The following RASGEF1C variants were observed in gnomAD, a reference collection of about 807,000 sequenced individuals.
RASGEF1C encodes the protein RasGEF domain family member 1C.
RASGEF1C carries 27 observed loss-of-function variants against 58.1 expected under a neutral mutation model. The observed-to-expected ratio is 0.46, with a 90% CI of 0.34 to 0.64. The LOEUF (loss-of-function observed/expected upper bound fraction) is 0.64. Among genes scored for constraint, RASGEF1C ranks in the 30% least tolerant of loss-of-function variants. The pLI is 0.01. For missense variants in RASGEF1C, 502 were observed against 605.1 expected, an observed-to-expected ratio of 0.83 and a Z score of 1.79; for synonymous variants, 243 against 246.3, an observed-to-expected ratio of 0.99 and a Z score of 0.13.
chr5:180,196,031 T>C (rs1277204631), intron 1 of RASGEF1C, among the ~76,000 whole-genome samples: 1 of 152,236 alleles, frequency 6.6e-6, no homozygotes, highest in African/African-American at 2.4e-5. Context: ...GTCAAGATAA[T>C]GGACCTATCA....
At chr5:180,192,376 G>A (rs897284278) in intron 1 of RASGEF1C, among the ~76,000 whole-genome samples, 25 of 151,994 alleles carry the variant, frequency 1.6e-4, no homozygotes, top group Non-Finnish European at 3.1e-4. Flanking sequence ...TGAGCTCAGC[G>A]TCCTCACTGG....
chr5:180,179,612 T>G (rs1484628758), intron 1 of RASGEF1C, among the ~76,000 whole-genome samples: 3 of 152,082 alleles, frequency 2.0e-5, no homozygotes, highest in African/African-American at 4.8e-5. Context: ...GTGAGGAGGC[T>G]CCCACGCTGC....
At chr5:180,199,362 C>T (rs1279507245) in intron 1 of RASGEF1C, among the ~76,000 whole-genome samples, 1 of 152,172 alleles carries the variant, frequency 6.6e-6, no homozygotes, top group Non-Finnish European at 1.5e-5. Context: ...TCCAAGCCTT[C>T]ATCACTGACC....
At chr5:180,127,489 C>A in intron 6 of RASGEF1C, 120 bp downstream of exon 6, 1 of 908,926 alleles carries the variant, frequency 1.1e-6, no homozygotes, top group Non-Finnish European at 1.6e-6. Context: ...GCCCCCCGAG[C>A]CCACCTGTCC....
At chr5:180,118,459 G>T in intron 10 of RASGEF1C, 150 bp downstream of exon 10, 2 of 691,194 alleles carry the variant, frequency 2.9e-6, no homozygotes, top group South Asian at 1.9e-5. Context: ...TTGGGAGGTG[G>T]TGAGTTCCCC....
At chr5:180,171,700 C>T (rs1767111357) in intron 1 of RASGEF1C, among the ~76,000 whole-genome samples, 1 of 152,232 alleles carries the variant, frequency 6.6e-6, no homozygotes, top group Admixed American at 6.5e-5. Flanking sequence ...TGGCGTGTGT[C>T]ACCCACACCT....
At position 180,209,164 on chromosome 5, in the gene RASGEF1C, T is replaced by C. The variant is rs1308272445; in HGVS notation, c.-143A>G. 4.9e-5 allele frequency: 7 copies of C among 144,198 alleles called. No individual in the cohort carries two copies. Among genetic ancestry groups the C allele is most frequent in the African/African-American group, 1.5e-4 (6 of 39,784 alleles). 8.9% of individuals were successfully genotyped at this position (144,198 alleles called of 1,614,324 possible). A position where few individuals can be genotyped will look rare whatever the true frequency, so the allele number is the denominator to read the frequency against. ...CGCCGCCGCCGCCCGACCGCCCGGC[T>C]CCCAGCGCAGCCCGCACGAGCGCCT... On this transcript the variant is annotated 5_prime_UTR_variant, in exon 1 of 14. Transcript: ENST00000361132.
intron 1 of RASGEF1C, among the ~76,000 whole-genome samples, chr5:180,157,609 A>G (rs1410978316): frequency 1.4e-5 from 2 of 147,826 alleles, no homozygotes; most frequent in East Asian, 4.0e-4. Context: ...TCTCAGCAAC[A>G]AGAGCAAAAC....
At chr5:180,200,402 C>T (rs186729187) in intron 1 of RASGEF1C, among the ~76,000 whole-genome samples, 2,108 of 147,850 alleles carry the variant, frequency 0.014, 49 homozygotes, top group South Asian at 0.093. Flanking sequence ...CTCCGCCTCC[C>T]GGGTTCACGC....
rs1346878693 is a variant in RASGEF1C, at chr5:180,136,511, C to T, written c.305G>A (p.Arg102Gln). ...QLDKPVLDKA[R>Q]VRKFGPKLLQ... ...CAGTTTGGGGCCGAACTTCCGGACCCGGGCCTACGGGCAAGCGAGGGGCAC... is the reference window on the plus strand; with the variant it reads ...CAGTTTGGGGCCGAACTTCCGGACCTGGGCCTACGGGCAAGCGAGGGGCAC... The change falls in exon 4 of 14, where the codon CGG (arginine) becomes CAG (glutamine). Residue 102 changes from arginine (R) to glutamine (Q), a missense_variant. Physicochemically the swap from Arg to Gln is conservative, Grantham distance 43. Coordinates refer to ENST00000361132, the MANE Select transcript of RASGEF1C (RefSeq NM_175062.4). The T allele has an allele frequency of 3.2e-6, 5 of 1,570,076 alleles. No individual in the cohort carries two copies. The South Asian group carries it at 5.8e-5, about 18-fold the overall frequency.
In RASGEF1C at chr5:180,194,002, G is replaced by GTGTTTGTTTGTTTGTT. The variant is rs60364777; in HGVS notation, c.-7+15010_-7+15025dup. ...ATTCACACTCTTCCTATTCTGTATGGTGTTTGTTTGTTTGTTTGTTTTCTG... is the reference window on the plus strand; with the variant it reads ...ATTCACACTCTTCCTATTCTGTATGGTGTTTGTTTGTTTGTTTGTTTGTTTGTTTGTTTGTTTTCTG... On this transcript the variant is annotated intron_variant, in intron 1 of 13. Transcript: ENST00000361132. 3.6e-4 allele frequency among the ~76,000 whole-genome samples: 54 copies of GTGTTTGTTTGTTTGTT among 148,850 alleles called. No homozygotes were observed. In the Middle Eastern group the frequency reaches 0.01, roughly 29 times the overall value.
intron 12 of RASGEF1C, among the ~76,000 whole-genome samples, chr5:180,105,594 G>A (rs1249378854): frequency 1.9e-4 from 29 of 151,032 alleles, no homozygotes; most frequent in South Asian, 4.2e-4. Context: ...TAGGCTGGGC[G>A]CGGTGGCTCA....
At position 180,136,733 on chromosome 5, in the gene RASGEF1C, T is replaced by G. The variant is rs1248929027; in HGVS notation, c.301-218A>C. 1.1e-4 allele frequency: 62 copies of G among 570,830 alleles called. 1 individual carries two copies. The highest frequency in any genetic ancestry group is 1.5e-4 in the Non-Finnish European group (48 of 324,218). The allele number at this position is 570,830 out of a possible 1,614,324, so 35.4% of individuals were successfully genotyped here. ...GCAGGGCCATCTCTTGCTCTGGCCTTTCTGCGGTTGACGGCTCCATCCTCC... is the reference window on the plus strand; with the variant it reads ...GCAGGGCCATCTCTTGCTCTGGCCTGTCTGCGGTTGACGGCTCCATCCTCC... On this transcript the variant is annotated intron_variant, in intron 3 of 13. Coordinates refer to ENST00000361132, the MANE Select transcript of RASGEF1C (RefSeq NM_175062.4).
intron 1 of RASGEF1C, among the ~76,000 whole-genome samples, chr5:180,193,291 G>A (rs1451104163): frequency 1.3e-5 from 2 of 149,478 alleles, no homozygotes; most frequent in Admixed American, 6.7e-5. Context: ...TCCTGACCTC[G>A]TGATCCGCCT....
intron 1 of RASGEF1C, among the ~76,000 whole-genome samples, chr5:180,153,169 T>C (rs9687580): frequency 0.17 from 25,983 of 152,190 alleles, 7,435 homozygotes; most frequent in African/African-American, 0.59. Flanking sequence ...TTAAATCCCA[T>C]GGAAGCCTTT....
intron 6 of RASGEF1C, among the ~76,000 whole-genome samples, chr5:180,125,499 C>G (rs1460450712): frequency 6.6e-6 from 1 of 152,134 alleles, no homozygotes; most frequent in Non-Finnish European, 1.5e-5. Flanking sequence ...ATAAGTTAGT[C>G]AGGCCGGGCG....
chr5:180,115,171 C>T (rs779052000), intron 10 of RASGEF1C: 26 of 326,650 alleles, frequency 8.0e-5, no homozygotes, highest in Admixed American at 3.4e-4. Flanking sequence ...CCTGCTGCCA[C>T]GCCCGGCTAG....
chr5:180,120,692 G>A (rs72813638), intron 7 of RASGEF1C, among the ~76,000 whole-genome samples: 20,763 of 152,218 alleles, frequency 0.14, 1,702 homozygotes, highest in South Asian at 0.21. Flanking sequence ...GTCGGCTCTC[G>A]TCCTCCTCTA....
intron 4 of RASGEF1C, among the ~76,000 whole-genome samples, chr5:180,129,994 C>T (rs1766336915): frequency 6.6e-6 from 1 of 152,182 alleles, no homozygotes; most frequent in South Asian, 2.1e-4. Context: ...ATGATGTGGC[C>T]CAAAGCAAGA....
Sources: gnomAD v4.1 joint callset for allele counts (sites outside exome capture counted in the v4.1 genomes callset) on GRCh38, gnomAD v4.1.1 for gene constraint, MANE v1.5 for transcripts, NCBI Gene and HGNC (gene_info 2026-07-23, HGNC 2026-07-21) for gene names.